Variants in CAST observed in about 807,000 individuals in gnomAD.
The protein encoded by CAST is calpastatin.
A neutral mutation model predicts 119.6 loss-of-function variants in CAST; 76 were observed. That is an observed-to-expected ratio of 0.64 (90% CI 0.53 to 0.77). CAST has a LOEUF of 0.77. Among genes scored for constraint, CAST ranks in the 30% least tolerant of loss-of-function variants. The pLI is 0.00. For synonymous variants in CAST, 319 were observed against 331.6 expected, an observed-to-expected ratio of 0.96 and a Z score of 0.41; for missense variants, 953 against 946.5, an observed-to-expected ratio of 1.01 and a Z score of -0.09.
intron 1 of CAST, among the ~76,000 whole-genome samples, chr5:96,615,312 C>G (rs73134518): frequency 0.087 from 13,307 of 152,146 alleles, 691 homozygotes; most frequent in African/African-American, 0.15. Flanking sequence ...CATCGTAAGC[C>G]AAAGAGCAGC....
the CAST span, among the ~76,000 whole-genome samples, chr5:96,444,303 AAGTAAG>A: frequency 2.6e-5 from 4 of 152,222 alleles, no homozygotes; most frequent in African/African-American, 9.6e-5. Context: ...TTGGTGATGG[AAGTAAG>A]ACTCATTTAA....
chr5:96,319,471 G>A, the CAST span, among the ~76,000 whole-genome samples: 1 of 152,138 alleles, frequency 6.6e-6, no homozygotes, highest in East Asian at 1.9e-4. Flanking sequence ...TTGAACCCAG[G>A]CAATCTGCTC....
At chr5:96,424,490 C>G in the CAST span, among the ~76,000 whole-genome samples, 1 of 152,142 alleles carries the variant, frequency 6.6e-6, no homozygotes, top group African/African-American at 2.4e-5. Flanking sequence ...ATTCTACTTT[C>G]CAATATCTCT....
At chr5:96,391,589 T>C in the CAST span, 1 of 152,244 alleles carries the variant, frequency 6.6e-6, no homozygotes, top group Non-Finnish European at 1.5e-5. Context: ...ATTTACACTT[T>C]GTACACATTC....
the CAST span, among the ~76,000 whole-genome samples, chr5:96,317,592 A>G: frequency 6.6e-6 from 1 of 152,066 alleles, no homozygotes; most frequent in Non-Finnish European, 1.5e-5. Context: ...TCTGATGAAT[A>G]TGTATGATGA....
intron 1 of CAST, among the ~76,000 whole-genome samples, chr5:96,583,614 G>T (rs1746803015): frequency 6.6e-6 from 1 of 152,110 alleles, no homozygotes; most frequent in Non-Finnish European, 1.5e-5. Flanking sequence ...TTAACATGGT[G>T]TCTAGCACAT....
intron 2 of CAST, chr5:96,679,772 G>A (rs777427081): frequency 6.6e-6 from 1 of 152,030 alleles, no homozygotes; most frequent in African/African-American, 2.4e-5. Context: ...TAGAATGCAT[G>A]AATTCAATGT....
chr5:96,477,030 C>T, the CAST span, among the ~76,000 whole-genome samples: 299 of 146,194 alleles, frequency 2.0e-3, no homozygotes, highest in African/African-American at 7.2e-3. Context: ...AGTTGTTGAT[C>T]TATCTAGTAA....
chr5:96,164,264 T>G, the CAST span, among the ~76,000 whole-genome samples: 3 of 152,186 alleles, frequency 2.0e-5, no homozygotes, highest in Non-Finnish European at 4.4e-5. Context: ...TAAAAGCAAA[T>G]ATGTCAATCT....
the CAST span, among the ~76,000 whole-genome samples, chr5:96,234,916 G>C: frequency 6.6e-6 from 1 of 152,080 alleles, no homozygotes; most frequent in Non-Finnish European, 1.5e-5. Context: ...GGTGAGTTTT[G>C]ATATGTGTGT....
intron 3 of CAST, among the ~76,000 whole-genome samples, chr5:96,703,215 TACAAGTGGCCCGAG>T (rs201086513): frequency 0.014 from 2,143 of 150,862 alleles, 56 homozygotes; most frequent in African/African-American, 0.043. Flanking sequence ...TGTGGCCCGG[TACAAGTGGCCCGAG>T]ACAAGTGGCC....
At chr5:96,504,290 A>G in the CAST span, among the ~76,000 whole-genome samples, 1 of 152,048 alleles carries the variant, frequency 6.6e-6, no homozygotes, top group African/African-American at 2.4e-5. Context: ...CAGCACAGAT[A>G]TTGTCTCTTT....
At chr5:96,458,544 A>C in the CAST span, among the ~76,000 whole-genome samples, 1 of 152,314 alleles carries the variant, frequency 6.6e-6, no homozygotes, top group South Asian at 2.1e-4. Flanking sequence ...CAATTTAATA[A>C]AAGAAAGAAT....
At position 96,743,815 on chromosome 5, in the gene CAST, G is replaced by A. The variant is rs544981090; in HGVS notation, c.1200+1059G>A. On this transcript the variant is annotated intron_variant, in intron 16 of 31. Coordinates refer to ENST00000675179, the MANE Select transcript of CAST (RefSeq NM_001750.7). ...GAGATATACATTACTTAGAGTAGCC[G>A]ACAGAAGCAGTGTCATCTTGAGGAA... 1.5e-5 allele frequency: 15 copies of A among 1,016,202 alleles called. 1 individual carries two copies. The highest frequency in any genetic ancestry group is 1.1e-4 in the East Asian group (4 of 35,836). The allele number at this position is 1,016,202 out of a possible 1,614,324, so 62.9% of individuals were successfully genotyped here.
chr5:96,751,360 G>A (rs1370060722), intron 20 of CAST, among the ~76,000 whole-genome samples: 1 of 152,156 alleles, frequency 6.6e-6, no homozygotes, highest in African/African-American at 2.4e-5. Context: ...TGCTCTAGAT[G>A]TTTTGCAATG....
At chr5:96,503,676 T>G in the CAST span, among the ~76,000 whole-genome samples, 1 of 152,064 alleles carries the variant, frequency 6.6e-6, no homozygotes, top group Non-Finnish European at 1.5e-5. Flanking sequence ...GTCGTGCTGC[T>G]CTATTGAAAA....
At chr5:96,202,279 A>G in the CAST span, among the ~76,000 whole-genome samples, 2 of 152,156 alleles carry the variant, frequency 1.3e-5, no homozygotes, top group Non-Finnish European at 2.9e-5. Flanking sequence ...TATTATTAAC[A>G]TATAAAGGGT....
chr5:96,061,437 C>A, the CAST span, among the ~76,000 whole-genome samples: 3 of 152,114 alleles, frequency 2.0e-5, no homozygotes, highest in Non-Finnish European at 4.4e-5. Context: ...AATGGCAGTT[C>A]TCTCCCAGCT....
chr5:96,209,684 A>G, the CAST span, among the ~76,000 whole-genome samples: 9 of 109,342 alleles, frequency 8.2e-5, no homozygotes, highest in African/African-American at 3.2e-4. Flanking sequence ...GGCATGTAGG[A>G]TTTCTGCTGA....
Sources: gnomAD v4.1 joint callset for allele counts (sites outside exome capture counted in the v4.1 genomes callset) on GRCh38, gnomAD v4.1.1 for gene constraint, MANE v1.5 for transcripts, NCBI Gene and HGNC (gene_info 2026-07-23, HGNC 2026-07-21) for gene names.